ATG14: variants seen among roughly 807,000 people sequenced by gnomAD.
ATG14 encodes the protein autophagy related 14.
A neutral mutation model predicts 60.4 loss-of-function variants in ATG14; 35 were observed. The ratio of observed to expected loss-of-function variants is 0.58; its 90% CI spans 0.44 to 0.77. ATG14 has a LOEUF of 0.77. ATG14 is among the 30% of genes least tolerant of loss of function. The pLI is 0.00. For synonymous variants in ATG14, 234 were observed against 228.8 expected (o/e 1.02, Z -0.21); for missense variants, 647 against 626.3 (o/e 1.03, Z -0.35).
In ATG14 at chr14:55,405,889, C is replaced by T. The variant is rs567375663; in HGVS notation, c.221+5713G>A. 1.3e-4 allele frequency among the ~76,000 whole-genome samples: 5 copies of T among 39,852 alleles called. No individual in the cohort carries two copies. The South Asian group carries it at 2.4e-3, about 19-fold the overall frequency. 26.1% of individuals were successfully genotyped at this position (39,852 alleles called of 152,430 possible). A position where few individuals can be genotyped will look rare whatever the true frequency, so the allele number is the denominator to read the frequency against. ...TGGGTCTCCCCTGGGGGTGGGGTGG[C>T]GGGGGGGGCAGGGGAAGAAAAGGCA... On this transcript the variant is annotated intron_variant, in intron 1 of 9. Coordinates refer to ENST00000247178, the MANE Select transcript of ATG14 (RefSeq NM_014924.5).
chr14:55,410,961 G>A (rs1885561176), intron 1 of ATG14, among the ~76,000 whole-genome samples: 2 of 152,120 alleles, frequency 1.3e-5, no homozygotes, highest in Non-Finnish European at 2.9e-5. Flanking sequence ...TTTTCCTAAA[G>A]GCAATTCTCT....
Position 55,411,806 on chromosome 14 carries a change from C to T in ATG14, c.17G>A (p.Gly6Glu), listed in dbSNP as rs771061165. 3.1e-6 allele frequency: 5 copies of T among 1,596,462 alleles called. No individual in the cohort carries two copies. Among genetic ancestry groups the T allele is most frequent in the Non-Finnish European group, 3.4e-6 (4 of 1,172,250 alleles). ...AGCCTCCAGCGCCCGGGCTCCCTTC[C>T]CACTGGGAGACGCCATGATGGCCTG... MASPS[G>E]KGARALEAPG... Residue 6 changes from glycine to glutamate, a missense_variant, in exon 1 of 10, where the codon GGG (glycine) becomes GAG (glutamate). Transcript: ENST00000247178.
intron 9 of ATG14, among the ~76,000 whole-genome samples, chr14:55,376,840 A>G (rs1884927378): frequency 6.6e-6 from 1 of 152,192 alleles, no homozygotes; most frequent in African/African-American, 2.4e-5. Context: ...AAGGGCAAAC[A>G]CCCAGCACAG....
chr14:55,382,301 AT>A, intron 5 of ATG14, 110 bp from the exon 6 acceptor site: 1 of 848,316 alleles, frequency 1.2e-6, no homozygotes, highest in Non-Finnish European at 1.8e-6. Context: ...GAGCACAGAA[AT>A]TTTACATTAA....
rs1572611 is a variant in ATG14, at chr14:55,367,156, T to A, written c.*2463A>T. The A allele has an allele frequency of 0.36, 54,831 of 152,192 alleles. 10,518 individuals carry two copies. The highest frequency in any genetic ancestry group is 0.42 in the Non-Finnish European group (28,386 of 67,976). 9.4% of individuals were successfully genotyped at this position (152,192 alleles called of 1,614,324 possible). Reference sequence around the variant, plus strand: ...GGATTCTATTCTTTAGCTTCATCTCTCATTCATGGTTTCATAAGAGGCTTA... The same window carrying A: ...GGATTCTATTCTTTAGCTTCATCTCACATTCATGGTTTCATAAGAGGCTTA... On this transcript the variant is annotated 3_prime_UTR_variant, in exon 10 of 10. Transcript: ENST00000247178.
At chr14:55,376,882 G>C (rs567862312) in intron 9 of ATG14, among the ~76,000 whole-genome samples, 2 of 152,160 alleles carry the variant, frequency 1.3e-5, no homozygotes, top group African/African-American at 2.4e-5. Context: ...GCTAAGGCTC[G>C]TACAGTACAT....
intron 1 of ATG14, among the ~76,000 whole-genome samples, chr14:55,405,055 G>T (rs1466024188): frequency 2.0e-5 from 3 of 152,140 alleles, no homozygotes; most frequent in Non-Finnish European, 4.4e-5. Context: ...ATTTTCTGGT[G>T]GAAATACCAT....
At chr14:55,393,348 G>GC (rs1429562862) in intron 3 of ATG14, among the ~76,000 whole-genome samples, 1 of 151,764 alleles carries the variant, frequency 6.6e-6, no homozygotes, top group African/African-American at 2.4e-5. Context: ...TCGCGCCACT[G>GC]CACTCCAGCC....
intron 9 of ATG14, among the ~76,000 whole-genome samples, chr14:55,376,482 G>A (rs1884921161): frequency 6.6e-6 from 1 of 152,190 alleles, no homozygotes; most frequent in African/African-American, 2.4e-5. Context: ...GCACAACATT[G>A]TAAGTATATG....
chr14:55,392,680 A>T (rs1328551560), intron 3 of ATG14, among the ~76,000 whole-genome samples: 1 of 151,614 alleles, frequency 6.6e-6, no homozygotes, highest in Non-Finnish European at 1.5e-5. Context: ...AGGATCTACT[A>T]GTTAGTTAAA....
intron 1 of ATG14, among the ~76,000 whole-genome samples, chr14:55,402,556 C>T (rs1194971163): frequency 8.6e-5 from 13 of 151,836 alleles, no homozygotes; most frequent in Admixed American, 4.6e-4. Flanking sequence ...TATATTGCCA[C>T]AAAAGACATT....
Position 55,369,673 on chromosome 14 carries a change from G to C in ATG14, c.1425C>G (p.Ser475=). The change falls in exon 10 of 10, where the codon TCC becomes TCG. Residue 475 remains serine (S), a synonymous_variant. Coordinates refer to ENST00000247178, the MANE Select transcript of ATG14 (RefSeq NM_014924.5). ...IASSSAGGMI[S]SAAASVTSWF... is the part of the protein sequence containing the mutation. ...AGGAGGTCACCGAGGCTGCTGCAGA[G>C]GAGATCATCCCACCTGCACTGCTGC... 1 of 1,579,482 alleles carries C rather than the reference G, an allele frequency of 6.3e-7. No individual in the cohort carries two copies. The highest frequency in any genetic ancestry group is 8.6e-7 in the Non-Finnish European group (1 of 1,159,294).
rs746710588 is a variant in ATG14 at position 55,369,845 on chromosome 14, T to A, written c.1253A>T (p.Glu418Val). 1 of 1,614,124 alleles carries A rather than the reference T, an allele frequency of 6.2e-7. No individual in the cohort carries two copies. Among genetic ancestry groups the A allele is most frequent in the East Asian group, 2.2e-5 (1 of 44,878 alleles). ...ATCGCTGACGCGCTCATCTCCGCTC[T>A]CATCTGATTCTCCAGCAACTCCGGG... Reference protein sequence around the residue: ...VDPGVAGESDESGDERVSDEE... With the variant: ...VDPGVAGESDVSGDERVSDEE... Residue 418 changes from glutamate (E) to valine (V), a missense_variant, in exon 10 of 10, where the codon GAG (glutamate) becomes GTG (valine). By Grantham distance (121) the Glu-to-Val change is moderately radical. Transcript: ENST00000247178.
At chr14:55,410,009 G>A (rs1229388908) in intron 1 of ATG14, among the ~76,000 whole-genome samples, 1 of 152,172 alleles carries the variant, frequency 6.6e-6, no homozygotes, top group African/African-American at 2.4e-5. Flanking sequence ...GATAAGTTTT[G>A]AAGAGTAGAT....
chr14:55,389,895 A>C (rs1286875381), intron 4 of ATG14, among the ~76,000 whole-genome samples: 1 of 149,094 alleles, frequency 6.7e-6, no homozygotes, highest in East Asian at 1.9e-4. Flanking sequence ...ATCTATGATA[A>C]AGTATAAAGT....
chr14:55,410,664 T>C (rs1392029390), intron 1 of ATG14, among the ~76,000 whole-genome samples: 5 of 152,232 alleles, frequency 3.3e-5, no homozygotes, highest in African/African-American at 1.2e-4. Context: ...GCTGTCTGAA[T>C]TTTAATTCTT....
At chr14:55,380,875 A>ATATATATATATATTTTTTTT (rs377330757) in intron 6 of ATG14, among the ~76,000 whole-genome samples, 185 bp from the exon 7 acceptor site, 16 of 112,682 alleles carry the variant, frequency 1.4e-4, no homozygotes, top group Non-Finnish European at 1.9e-4. Flanking sequence ...ATATATATAT[A>ATATATATATATATTTTTTTT]TTTTTTTTTT....
intron 1 of ATG14, 136 bp downstream of exon 1, chr14:55,411,466 C>G (rs1345818513): frequency 2.3e-6 from 2 of 872,892 alleles, no homozygotes; most frequent in Non-Finnish European, 3.4e-6. Flanking sequence ...TGCAGAGCAG[C>G]TAGCTACACT....
At chr14:55,405,882 G>A (rs926607547) in intron 1 of ATG14, among the ~76,000 whole-genome samples, 1 of 151,820 alleles carries the variant, frequency 6.6e-6, no homozygotes, top group African/African-American at 2.4e-5. Flanking sequence ...CCCTGGGGGT[G>A]GGGTGGCGGG....
Sources: allele counts gnomAD v4.1 joint callset (sites outside exome capture counted in the v4.1 genomes callset), GRCh38; gene constraint gnomAD v4.1.1; transcripts MANE v1.5; gene names NCBI Gene and HGNC (gene_info 2026-07-23, HGNC 2026-07-21).